Variants in GNAT3 observed in about 807,000 individuals in gnomAD.
The protein encoded by GNAT3 is guanine nucleotide-binding protein G(t) subunit alpha-3.
Under a neutral mutation model 37.7 loss-of-function variants are expected in GNAT3, and 31 were observed. The ratio of observed to expected loss-of-function variants is 0.82; its 90% CI spans 0.62 to 1.11. GNAT3 has a LOEUF of 1.11. Among genes scored for constraint, GNAT3 ranks in the 50% most tolerant of loss-of-function variants. The pLI, the probability that GNAT3 is intolerant of heterozygous loss-of-function variation, is 0.00. For synonymous variants in GNAT3, 138 were observed against 139.8 expected, an observed-to-expected ratio of 0.99 and a Z score of 0.09; for missense variants, 437 against 412.5, an observed-to-expected ratio of 1.06 and a Z score of -0.51.
At chr7:80,509,642 G>A (rs1029195594) in intron 1 of GNAT3, among the ~76,000 whole-genome samples, 17 of 151,986 alleles carry the variant, frequency 1.1e-4, no homozygotes, top group Admixed American at 9.2e-4. Context: ...AATAAGTTGG[G>A]TCCCAGTCAA....
At chr7:80,470,472 C>T (rs1298682244) in intron 5 of GNAT3, among the ~76,000 whole-genome samples, 7 of 152,152 alleles carry the variant, frequency 4.6e-5, no homozygotes, top group African/African-American at 7.2e-5. Context: ...CCACCAGCCT[C>T]GGCCTCTCAA....
At chr7:80,471,280 C>G (rs1390877546) in intron 5 of GNAT3, among the ~76,000 whole-genome samples, 1 of 151,020 alleles carries the variant, frequency 6.6e-6, no homozygotes, top group Non-Finnish European at 1.5e-5. Flanking sequence ...CTGCCTTTCC[C>G]AGCCCACTGA....
chr7:80,492,192 A>AC (rs1790606627), intron 2 of GNAT3, among the ~76,000 whole-genome samples: 1 of 137,082 alleles, frequency 7.3e-6, no homozygotes, highest in Admixed American at 6.9e-5. Context: ...AAAAAAAAAA[A>AC]AATTAGCTGG....
chr7:80,473,332 T>G (rs777028964), intron 5 of GNAT3, among the ~76,000 whole-genome samples: 2 of 152,148 alleles, frequency 1.3e-5, no homozygotes, highest in Non-Finnish European at 2.9e-5. Flanking sequence ...TACTTAGATA[T>G]TATATATAAC....
rs572818564 is a variant in GNAT3 at position 80,483,197 on chromosome 7, G to A, written c.304-4199C>T. Among the ~76,000 whole-genome samples the A allele has an allele frequency of 9.9e-5, 15 of 152,192 alleles. No homozygotes were observed. The South Asian group carries it at 1.9e-3, about 19-fold the overall frequency. On this transcript the variant is annotated intron_variant, in intron 3 of 7. Coordinates refer to ENST00000398291, the MANE Select transcript of GNAT3 (RefSeq NM_001102386.3). ...TAGTTTTTAAAAGCTTCAAGGTGAC[G>A]CAACTGTTCTGACTGCATTAAGAAT...
chr7:80,461,394 C>T (rs951463308), intron 7 of GNAT3, among the ~76,000 whole-genome samples: 2 of 151,914 alleles, frequency 1.3e-5, no homozygotes, highest in African/African-American at 2.4e-5. Flanking sequence ...ACTGAAAATA[C>T]GAAAATTAAC....
At chr7:80,474,982 C>A (rs1008228352) in intron 4 of GNAT3, among the ~76,000 whole-genome samples, 11 of 152,068 alleles carry the variant, frequency 7.2e-5, no homozygotes, top group African/African-American at 2.7e-4. Flanking sequence ...AATGCCATTG[C>A]AATATCTAGT....
intron 1 of GNAT3, among the ~76,000 whole-genome samples, chr7:80,498,004 G>T (rs1375654544): frequency 6.6e-6 from 1 of 152,056 alleles, no homozygotes; most frequent in Admixed American, 6.6e-5. Context: ...GTATTATAGA[G>T]AAATATTTTA....
In GNAT3 at chr7:80,474,275, AAT is replaced by A; in HGVS notation, c.564_565del (p.Gln188HisfsTer4). ...CCTGAAGTGCAAGTCTTTAAAGGAGAATTGAGTTTCAATGATTCCAGTCGTTT... is the reference window on the plus strand; with the variant it reads ...CCTGAAGTGCAAGTCTTTAAAGGAGATGAGTTTCAATGATTCCAGTCGTTT... On this transcript the variant is annotated frameshift_variant, in exon 5 of 8. Transcript: ENST00000398291. LOFTEE classifies it high-confidence loss of function. 4 of 1,602,564 alleles carry A rather than the reference AAT, an allele frequency of 2.5e-6. No homozygotes were observed. Among genetic ancestry groups the A allele is most frequent in the Non-Finnish European group, 3.4e-6 (4 of 1,173,726 alleles).
intron 1 of GNAT3, among the ~76,000 whole-genome samples, chr7:80,510,260 A>G (rs1278399784): frequency 6.6e-6 from 1 of 152,144 alleles, no homozygotes; most frequent in East Asian, 1.9e-4. Flanking sequence ...GGCATGTTTA[A>G]TAGTTTTTGT....
chr7:80,491,738 C>T (rs10234980), intron 2 of GNAT3, among the ~76,000 whole-genome samples: 8,560 of 152,154 alleles, frequency 0.056, 328 homozygotes, highest in Middle Eastern at 0.12. Context: ...GCAACTTCTG[C>T]AACTTACCAG....
At chr7:80,460,043 T>G (rs1435232664) in intron 7 of GNAT3, among the ~76,000 whole-genome samples, 2 of 152,190 alleles carry the variant, frequency 1.3e-5, no homozygotes, top group Non-Finnish European at 2.9e-5. Context: ...TATAGCATCT[T>G]TTTCCATAAT....
chr7:80,479,453 C>T (rs1790355203), intron 3 of GNAT3, among the ~76,000 whole-genome samples: 1 of 151,736 alleles, frequency 6.6e-6, no homozygotes, highest in Non-Finnish European at 1.5e-5. Flanking sequence ...GGCATGGTGG[C>T]TAACGCCTAT....
chr7:80,507,455 A>G (rs557277533), intron 1 of GNAT3, among the ~76,000 whole-genome samples: 1 of 152,146 alleles, frequency 6.6e-6, no homozygotes, highest in South Asian at 2.1e-4. Flanking sequence ...AATGATACAC[A>G]TTTATTGACA....
Position 80,488,533 on chromosome 7 carries a change from A to G in GNAT3, c.303+2T>C. 1.3e-6 allele frequency: 2 copies of G among 1,599,272 alleles called. No homozygotes were observed. Among genetic ancestry groups the G allele is most frequent in the Non-Finnish European group, 1.7e-6 (2 of 1,171,410 alleles). On this transcript the variant is annotated splice_donor_variant, in intron 3 of 7. Transcript: ENST00000398291. LOFTEE classifies it high-confidence loss of function. ...TACAGCTGTCATTATTTGCATACTT[A>G]CTGCACTTCTGGGATTTACATAATC...
At chr7:80,460,747 C>G (rs1434238387) in intron 7 of GNAT3, among the ~76,000 whole-genome samples, 2 of 129,942 alleles carry the variant, frequency 1.5e-5, no homozygotes, top group African/African-American at 5.3e-5. Context: ...GACTCCATCT[C>G]AAGAAAAAAA....
intron 2 of GNAT3, among the ~76,000 whole-genome samples, chr7:80,491,563 TAGA>T (rs748183289): frequency 6.6e-6 from 1 of 152,094 alleles, no homozygotes; most frequent in Non-Finnish European, 1.5e-5. Flanking sequence ...GAGATAGAGT[TAGA>T]AGAATAAAGG....
chr7:80,505,943 TG>T (rs2116231008), intron 1 of GNAT3, among the ~76,000 whole-genome samples: 1 of 152,306 alleles, frequency 6.6e-6, no homozygotes, highest in Admixed American at 6.5e-5. Context: ...CAATTACTTT[TG>T]CACGAACCTA....
At chr7:80,510,412 T>A (rs1791044592) in intron 1 of GNAT3, among the ~76,000 whole-genome samples, 1 of 152,170 alleles carries the variant, frequency 6.6e-6, no homozygotes, top group South Asian at 2.1e-4. Flanking sequence ...AACACGGAAA[T>A]TTTTAATACG....
Sources: gnomAD v4.1 joint callset for allele counts (sites outside exome capture counted in the v4.1 genomes callset) on GRCh38, gnomAD v4.1.1 for gene constraint, MANE v1.5 for transcripts, NCBI Gene and HGNC (gene_info 2026-07-23, HGNC 2026-07-21) for gene names.